The following GRIN3A variants were observed in gnomAD, a reference collection of about 807,000 sequenced individuals.
GRIN3A encodes glutamate ionotropic receptor NMDA type subunit 3A, also known as glutamate receptor ionotropic, NMDA 3A.
In GRIN3A, 47 loss-of-function variants were observed where a neutral mutation model predicts 92.4. The observed-to-expected ratio is 0.51, with a 90% CI of 0.40 to 0.65. GRIN3A has a LOEUF of 0.65. Among genes scored for constraint, GRIN3A ranks in the 30% least tolerant of loss-of-function variants. The pLI, the probability that GRIN3A is intolerant of heterozygous loss-of-function variation, is 0.00. For missense variants in GRIN3A, 1,324 were observed against 1,393.1 expected (o/e 0.95, Z 0.79); for synonymous variants, 527 against 540.6 (o/e 0.97, Z 0.35).
chr9:101,670,133 T>C lies in GRIN3A; in HGVS notation c.2279A>G (p.Tyr760Cys), dbSNP rs757931023. ...CATGACAGCAGCCAAGTTTGCCGTG[T>C]ATGTGGAAAGGCAAAACATACAGAA... Reference protein sequence around the residue: ...AIFCMFCLSTYTANLAAVMVG... With the variant: ...AIFCMFCLSTCTANLAAVMVG... Residue 760 changes from tyrosine (Y) to cysteine (C), a missense_variant, in exon 3 of 9, where the codon TAC becomes TGC. Coordinates refer to ENST00000361820, the MANE Select transcript of GRIN3A (RefSeq NM_133445.3). 12 of 1,613,798 alleles carry C rather than the reference T, an allele frequency of 7.4e-6. 2 individuals carry two copies. In the South Asian group the frequency reaches 1.3e-4, roughly 18 times the overall value.
Position 101,671,116 on chromosome 9 carries a change from G to A in GRIN3A, c.1305-9C>T. 1.2e-6 allele frequency: 2 copies of A among 1,602,088 alleles called. No homozygotes were observed. The highest frequency in any genetic ancestry group is 1.7e-6 in the Non-Finnish European group (2 of 1,169,024). On this transcript the variant is annotated splice_polypyrimidine_tract_variant and intron_variant, in intron 2 of 8. Transcript: ENST00000361820. ...TGGTATTGGCTAGAAACCTGGGAAA[G>A]AGGAGCAAAGGCAAAAAGTAAGAAA... is the stretch of plus-strand genomic sequence containing the variant.
intron 1 of GRIN3A, among the ~76,000 whole-genome samples, chr9:101,709,403 T>G (rs1829851299): frequency 6.6e-6 from 1 of 152,182 alleles, no homozygotes; most frequent in South Asian, 2.1e-4. Context: ...ATGGGACCTT[T>G]GGTAGAATAC....
chr9:101,693,393 T>G (rs962818345), intron 1 of GRIN3A, among the ~76,000 whole-genome samples: 2 of 151,536 alleles, frequency 1.3e-5, no homozygotes, highest in Admixed American at 6.6e-5. Flanking sequence ...CACTTCAGCC[T>G]GGGTGCAGAG....
intron 1 of GRIN3A, among the ~76,000 whole-genome samples, chr9:101,727,110 T>C (rs1830090001): frequency 6.6e-6 from 1 of 152,188 alleles, no homozygotes; most frequent in Non-Finnish European, 1.5e-5. Context: ...TAAAATCCCT[T>C]CGGTAACAGT....
At position 101,571,747 on chromosome 9, in the gene GRIN3A, A is replaced by G. The variant is rs1216533675; in HGVS notation, c.*1427T>C. 1 of 152,228 alleles carries G rather than the reference A, an allele frequency of 6.6e-6. No homozygotes were observed. The highest frequency in any genetic ancestry group is 6.5e-5 in the Admixed American group (1 of 15,282). The allele number at this position is 152,228 out of a possible 1,614,324, so 9.4% of individuals were successfully genotyped here. On this transcript the variant is annotated 3_prime_UTR_variant, in exon 9 of 9. Transcript: ENST00000361820. The stretch of plus-strand genomic sequence containing the variant: ...TGGTGTTTCTAGAAAAGTAATTTTT[A>G]GACCACCTGTGTCAGTCACTTGGGG...
At chr9:101,644,807 C>T (rs1309127349) in intron 3 of GRIN3A, among the ~76,000 whole-genome samples, 1 of 151,794 alleles carries the variant, frequency 6.6e-6, no homozygotes, top group Admixed American at 6.6e-5. Flanking sequence ...GTTCATCTCA[C>T]TTTCTCTATA....
In GRIN3A at chr9:101,686,882, C is replaced by A; in HGVS notation, c.1018G>T (p.Glu340Ter). Reference protein sequence around the residue: ...CDMESIRRIFEITTQFGVMPP... With the variant: ...CDMESIRRIF ...ATGACCCCAAACTGGGTTGTAATTT[C>A]GAAAATCCGCCGGATACTTTCCATG... The change falls in exon 2 of 9, where the codon GAA (glutamate) becomes TAA (stop). Residue 340 changes from glutamate to a stop codon, truncating the protein, a stop_gained. Coordinates refer to ENST00000361820, the MANE Select transcript of GRIN3A (RefSeq NM_133445.3). LOFTEE classifies it high-confidence loss of function. 1 of 1,614,190 alleles carries A rather than the reference C, an allele frequency of 6.2e-7. No individual in the cohort carries two copies. Among genetic ancestry groups the A allele is most frequent in the Non-Finnish European group, 8.5e-7 (1 of 1,180,034 alleles).
chr9:101,628,778 C>G (rs1828672874), intron 3 of GRIN3A, among the ~76,000 whole-genome samples: 1 of 152,176 alleles, frequency 6.6e-6, no homozygotes, highest in African/African-American at 2.4e-5. Context: ...GTTAGAATAA[C>G]ATAAAGGCCA....
chr9:101,650,682 C>T (rs1178744920), intron 3 of GRIN3A, among the ~76,000 whole-genome samples: 1 of 152,026 alleles, frequency 6.6e-6, no homozygotes, highest in African/African-American at 2.4e-5. Flanking sequence ...GTGACTGATA[C>T]AGTGGTAACA....
At chr9:101,592,410 C>G (rs1828042309) in intron 6 of GRIN3A, 3 of 152,174 alleles carry the variant, frequency 2.0e-5, no homozygotes, top group African/African-American at 7.2e-5. Context: ...TGTTGCATGC[C>G]TTTTTGAATC....
At chr9:101,574,445 C>G (rs1393152633) in intron 8 of GRIN3A, among the ~76,000 whole-genome samples, 1 of 152,118 alleles carries the variant, frequency 6.6e-6, no homozygotes, top group East Asian at 1.9e-4. Flanking sequence ...TGCAATCTAC[C>G]ACAGGACAAA....
rs924539304 is a variant in GRIN3A, at chr9:101,569,398, A to G, written c.*3776T>C. The stretch of plus-strand genomic sequence containing the variant: ...TATTCCACAGTCATAGAAACTGAAG[A>G]TGGAAAAGACCTGAGGACATCTAAT... On this transcript the variant is annotated 3_prime_UTR_variant, in exon 9 of 9. Coordinates refer to ENST00000361820, the MANE Select transcript of GRIN3A (RefSeq NM_133445.3). The G allele has an allele frequency of 1.3e-5, 2 of 152,198 alleles. No homozygotes were observed. Among genetic ancestry groups the G allele is most frequent in the African/African-American group, 4.8e-5 (2 of 41,460 alleles). The allele number at this position is 152,198 out of a possible 1,614,324, so 9.4% of individuals were successfully genotyped here.
chr9:101,576,289 G>T (rs567877634), intron 8 of GRIN3A, among the ~76,000 whole-genome samples: 28 of 152,226 alleles, frequency 1.8e-4, no homozygotes, highest in African/African-American at 6.5e-4. Flanking sequence ...GAGACATGAC[G>T]GCTATGGTAC....
At position 101,686,843 on chromosome 9, in the gene GRIN3A, G is replaced by A. The variant is rs767070992; in HGVS notation, c.1057C>T (p.Arg353Cys). ...TQFGVMPPEL[R>C]WVLGDSQNVE... is the part of the protein sequence containing the mutation. Reference sequence around the variant, plus strand: ...TTCTGGGAATCTCCCAGCACCCAACGAAGTTCAGGGGGCATGACCCCAAAC... The same window carrying A: ...TTCTGGGAATCTCCCAGCACCCAACAAAGTTCAGGGGGCATGACCCCAAAC... The change falls in exon 2 of 9, where the codon CGT becomes TGT. Residue 353 changes from arginine (R) to cysteine (C), a missense_variant. By Grantham distance (180) the Arg-to-Cys change is radical. Transcript: ENST00000361820. 7.4e-5 allele frequency: 119 copies of A among 1,614,046 alleles called. No individual in the cohort carries two copies. The highest frequency in any genetic ancestry group is 3.7e-4 in the South Asian group (34 of 91,088).
chr9:101,690,013 C>A (rs746673904), intron 1 of GRIN3A, among the ~76,000 whole-genome samples: 5 of 152,132 alleles, frequency 3.3e-5, no homozygotes, highest in Non-Finnish European at 7.4e-5. Flanking sequence ...CAGAACAACT[C>A]AAGAAATAGG....
chr9:101,580,574 T>G (rs1013923842), intron 6 of GRIN3A, among the ~76,000 whole-genome samples: 1 of 151,940 alleles, frequency 6.6e-6, no homozygotes, highest in African/African-American at 2.4e-5. Flanking sequence ...GTAGGGAACA[T>G]GGAAATCATC....
rs139837682 is a variant in GRIN3A at position 101,670,298 on chromosome 9, G to A, written c.2114C>T (p.Pro705Leu). 1.7e-5 allele frequency: 27 copies of A among 1,613,872 alleles called. No homozygotes were observed. The highest frequency in any genetic ancestry group is 3.3e-5 in the Admixed American group (2 of 59,984). Residue 705 changes from proline (P) to leucine (L), a missense_variant, in exon 3 of 9, where the codon CCC (proline) becomes CTC (leucine). Coordinates refer to ENST00000361820, the MANE Select transcript of GRIN3A (RefSeq NM_133445.3). ...GACTTTACTTCTATTTCGCCCCTTG[G>A]GAGTCAAACCAAATGGACTCTTCCA... ...YEWKSPFGLT[P>L]KGRNRSKVFS...
intron 3 of GRIN3A, among the ~76,000 whole-genome samples, chr9:101,634,560 A>T (rs1283297817): frequency 6.6e-6 from 1 of 151,892 alleles, no homozygotes; most frequent in African/African-American, 2.4e-5. Context: ...ATTCGGGGAG[A>T]TTAAACACCT....
intron 1 of GRIN3A, among the ~76,000 whole-genome samples, chr9:101,709,166 C>A (rs1829846712): frequency 6.6e-6 from 1 of 151,698 alleles, no homozygotes; most frequent in East Asian, 1.9e-4. Flanking sequence ...TTTCTAGAGG[C>A]CGGACATGAT....
Sources: allele counts gnomAD v4.1 joint callset (sites outside exome capture counted in the v4.1 genomes callset), GRCh38; gene constraint gnomAD v4.1.1; transcripts MANE v1.5; gene names NCBI Gene and HGNC (gene_info 2026-07-23, HGNC 2026-07-21).